Variants in FBN3 observed in about 807,000 individuals in gnomAD.
FBN3 encodes the protein fibrillin 3.
FBN3 carries 234 observed loss-of-function variants against 330.1 expected under a neutral mutation model. That is an observed-to-expected ratio of 0.71 (90% CI 0.64 to 0.79). FBN3 has a LOEUF of 0.79. Among genes scored for constraint, FBN3 ranks in the 30% least tolerant of loss-of-function variants. The pLI is 0.00. For synonymous variants in FBN3, 1,458 were observed against 1,517.3 expected, an observed-to-expected ratio of 0.96 and a Z score of 0.91; for missense variants, 3,606 against 3,886.9, an observed-to-expected ratio of 0.93 and a Z score of 1.92.
At position 8,116,661 on chromosome 19, in the gene FBN3, C is replaced by T; in HGVS notation, c.3712+13G>A. On this transcript the variant is annotated intron_variant, in intron 29 of 63. Transcript: ENST00000600128. Reference sequence around the variant, plus strand: ...TCCTCCACCCGCCCCGCCCCACCGTCCCGGCTCCTCACCAACACATGTCCT... The same window carrying T: ...TCCTCCACCCGCCCCGCCCCACCGTTCCGGCTCCTCACCAACACATGTCCT... 6.2e-7 allele frequency: 1 copy of T among 1,605,774 alleles called. No homozygotes were observed. Among genetic ancestry groups the T allele is most frequent in the Non-Finnish European group, 8.5e-7 (1 of 1,173,304 alleles).
intron 47 of FBN3, 92 bp from the exon 48 acceptor site, chr19:8,091,682 G>A (rs1269956507): frequency 1.4e-6 from 2 of 1,445,916 alleles, no homozygotes. Context: ...CAGATGGAGT[G>A]CAGGTCCAGC....
At chr19:8,089,484 T>C in intron 51 of FBN3, 61 bp downstream of exon 51, 1 of 1,603,852 alleles carries the variant, frequency 6.2e-7, no homozygotes, top group East Asian at 2.2e-5. Context: ...CCTGCCCTGC[T>C]CTGCTCCTTC....
At chr19:8,122,070 G>A (rs1359073249) in intron 24 of FBN3, among the ~76,000 whole-genome samples, 1 of 152,098 alleles carries the variant, frequency 6.6e-6, no homozygotes, top group Non-Finnish European at 1.5e-5. Flanking sequence ...CACTCAGGCT[G>A]GAGTGCAGTG....
chr19:8,138,387 C>G, intron 9 of FBN3, 25 bp downstream of exon 9: 1 of 1,610,686 alleles, frequency 6.2e-7, no homozygotes, highest in Admixed American at 1.7e-5. Context: ...CACCCACAGC[C>G]CTGCAGGCTG....
intron 39 of FBN3, 42 bp downstream of exon 39, chr19:8,103,520 G>T (rs991563425): frequency 6.3e-7 from 1 of 1,599,880 alleles, no homozygotes; most frequent in Middle Eastern, 1.7e-4. Context: ...CCCAGGTGCT[G>T]CTTCTGTGAC....
At position 8,129,512 on chromosome 19, in the gene FBN3, T is replaced by C. The variant is rs1418785495; in HGVS notation, c.2045-147A>G. 1.9e-6 allele frequency: 2 copies of C among 1,062,420 alleles called. No individual in the cohort carries two copies. The highest frequency in any genetic ancestry group is 2.7e-6 in the Non-Finnish European group (2 of 745,922). The allele number at this position is 1,062,420 out of a possible 1,614,324, so 65.8% of individuals were successfully genotyped here. On this transcript the variant is annotated intron_variant, in intron 16 of 63. Coordinates refer to ENST00000600128, the MANE Select transcript of FBN3 (RefSeq NM_032447.5). The surrounding 1 kb of genome is among the most constrained non-coding windows in gnomAD (Gnocchi z 4.5). ...GCCCAGACCCGGCCTCATTCTGCTC[T>C]AAACCGAGGTTTCTCAGCCTGGACA...
At chr19:8,083,680 C>T (rs1353571071) in intron 56 of FBN3, among the ~76,000 whole-genome samples, 1 of 152,016 alleles carries the variant, frequency 6.6e-6, no homozygotes, top group Non-Finnish European at 1.5e-5. Flanking sequence ...CAACATGATA[C>T]ACTAGCCACA....
chr19:8,125,433 C>A (rs1157810119), intron 22 of FBN3, among the ~76,000 whole-genome samples: 1 of 138,968 alleles, frequency 7.2e-6, no homozygotes, highest in Non-Finnish European at 1.5e-5. Context: ...GAAAAAAAAA[C>A]CCACCCAAAT....
intron 24 of FBN3, among the ~76,000 whole-genome samples, chr19:8,123,132 T>C (rs879601708): frequency 4.6e-5 from 7 of 151,694 alleles, no homozygotes; most frequent in Non-Finnish European, 8.8e-5. Context: ...GGTGGGCGGA[T>C]CACCTGAGGT....
At chr19:8,099,276 ATTTT>A (rs386388494) in intron 41 of FBN3, among the ~76,000 whole-genome samples, 2 of 98,878 alleles carry the variant, frequency 2.0e-5, no homozygotes, top group African/African-American at 3.8e-5. Context: ...TCATGGTTTG[ATTTT>A]TTTTTTTTTT....
At chr19:8,103,752 A>C (rs2082380347) in intron 38 of FBN3, 65 bp from the exon 39 acceptor site, 1 of 1,535,368 alleles carries the variant, frequency 6.5e-7, no homozygotes, top group Admixed American at 1.9e-5. Flanking sequence ...GAATAACTCC[A>C]CTCCAGAGAC....
intron 8 of FBN3, among the ~76,000 whole-genome samples, chr19:8,138,847 G>A (rs575457046): frequency 6.4e-4 from 97 of 152,078 alleles, no homozygotes; most frequent in African/African-American, 2.3e-3. Flanking sequence ...AGGAGTGCAA[G>A]ACCAGCCTGA....
chr19:8,074,942 TG>T, intron 61 of FBN3, 128 bp downstream of exon 61: 1 of 1,281,292 alleles, frequency 7.8e-7, no homozygotes, highest in Non-Finnish European at 1.1e-6. Context: ...CACTACCTTC[TG>T]GGCTGGCCTG....
chr19:8,122,426 G>A (rs972597175), intron 24 of FBN3, among the ~76,000 whole-genome samples: 1 of 152,090 alleles, frequency 6.6e-6, no homozygotes, highest in Non-Finnish European at 1.5e-5. Flanking sequence ...GAGTGCAATG[G>A]CACAATCTTG....
At position 8,112,071 on chromosome 19, in the gene FBN3, G is replaced by A. The variant is rs1396793964; in HGVS notation, c.3867C>T (p.His1289=). ...SDVDECEVGG[H]NCDSHASCLN... ...GACAGGAGGCGTGACTGTCACAGTT[G>A]TGTCCTCCAACCTCGCATTCATCCA... The change falls in exon 31 of 64, where the codon CAC becomes CAT. Residue 1289 remains histidine (H), a synonymous_variant. Coordinates refer to ENST00000600128, the MANE Select transcript of FBN3 (RefSeq NM_032447.5). 6.2e-7 allele frequency: 1 copy of A among 1,613,524 alleles called. No homozygotes were observed. Among genetic ancestry groups the A allele is most frequent in the East Asian group, 2.2e-5 (1 of 44,848 alleles).
intron 13 of FBN3, among the ~76,000 whole-genome samples, chr19:8,133,543 C>A (rs981809038): frequency 2.0e-5 from 3 of 152,020 alleles, no homozygotes; most frequent in Admixed American, 1.3e-4. Context: ...CTCCGCCTCG[C>A]GGGTTCAAGC....
In FBN3 at chr19:8,147,223, C is replaced by A. The variant is rs11669201; in HGVS notation, c.168-37G>T. On this transcript the variant is annotated intron_variant, in intron 2 of 63. Transcript: ENST00000600128. ...GCGAGATGGGTCTGGTGAGCCCCTG[C>A]CCGTGTGGACATCCCCCCGGGTATT... is the stretch of plus-strand genomic sequence containing the variant. The A allele has an allele frequency of 0.04, 63,033 of 1,557,238 alleles. 1,535 individuals carry two copies. Among genetic ancestry groups the A allele is most frequent in the Non-Finnish European group, 0.044 (50,940 of 1,151,248 alleles).
intron 59 of FBN3, among the ~76,000 whole-genome samples, chr19:8,078,941 C>G (rs8104079): frequency 0.62 from 93,516 of 151,344 alleles, 30,354 homozygotes; most frequent in African/African-American, 0.82. Context: ...GTCACCACCT[C>G]TAGCTAATTT....
intron 47 of FBN3, 101 bp downstream of exon 47, chr19:8,094,345 T>A: frequency 7.7e-7 from 1 of 1,298,550 alleles, no homozygotes; most frequent in Non-Finnish European, 1.1e-6. Context: ...GTTAAGTACA[T>A]CTCCACCTTC....
Sources: gnomAD v4.1 joint callset for allele counts (sites outside exome capture counted in the v4.1 genomes callset) on GRCh38, gnomAD v4.1.1 for gene constraint, Gnocchi (gnomAD v3.1) non-coding constraint, MANE v1.5 for transcripts, NCBI Gene and HGNC (gene_info 2026-07-23, HGNC 2026-07-21) for gene names.